The following TRANK1 variants were observed in gnomAD, a reference collection of about 807,000 sequenced individuals.
TRANK1 encodes TPR and ankyrin repeat-containing protein 1.
TRANK1 carries 198 observed loss-of-function variants against 266.0 expected under a neutral mutation model. That is an observed-to-expected ratio of 0.74 (90% CI 0.66 to 0.84). The LOEUF is 0.84. Ranked by LOEUF, TRANK1 falls within the 40% of genes least tolerant of loss-of-function variation. TRANK1 has a pLI of 0.00. For synonymous variants in TRANK1, 1,396 were observed against 1,384.1 expected, an observed-to-expected ratio of 1.01 and a Z score of -0.19; for missense variants, 3,326 against 3,634.6, an observed-to-expected ratio of 0.92 and a Z score of 2.18.
intron 1 of TRANK1, among the ~76,000 whole-genome samples, chr3:36,943,441 T>A (rs1043388081): frequency 4.7e-4 from 72 of 151,810 alleles, no homozygotes; most frequent in African/African-American, 1.7e-3. Context: ...GATGCGACTC[T>A]GGGAGTGAAT....
intron 8 of TRANK1, among the ~76,000 whole-genome samples, chr3:36,876,757 C>T (rs1457755225): frequency 6.6e-6 from 1 of 152,216 alleles, no homozygotes; most frequent in Non-Finnish European, 1.5e-5. Context: ...AGCTTTGAAG[C>T]AAGCACCTGA....
At chr3:36,937,633 T>C (rs896117446) in intron 1 of TRANK1, among the ~76,000 whole-genome samples, 1 of 152,234 alleles carries the variant, frequency 6.6e-6, no homozygotes, top group East Asian at 1.9e-4. Flanking sequence ...ACCAATAAGT[T>C]AGCATTCCAC....
intron 20 of TRANK1, among the ~76,000 whole-genome samples, chr3:36,835,420 G>T (rs1041988274): frequency 1.3e-5 from 2 of 150,080 alleles, no homozygotes; most frequent in Non-Finnish European, 3.0e-5. Flanking sequence ...CAACCTCACA[G>T]CACACACAGA....
rs193091800 is a variant in TRANK1 at position 36,921,104 on chromosome 3, T to C, written c.24-12650A>G. Among the ~76,000 whole-genome samples, 310 of 152,324 alleles carry C rather than the reference T, an allele frequency of 2.0e-3. 2 individuals are homozygous for C. Among genetic ancestry groups the C allele is most frequent in the Non-Finnish European group, 3.2e-3 (215 of 68,024 alleles). On this transcript the variant is annotated intron_variant, in intron 1 of 23. Coordinates refer to ENST00000645898, the MANE Select transcript of TRANK1 (RefSeq NM_001329998.2). ...TTGACCTGAGTCACCCCCGGTCCCC[T>C]GTTCTGACCTAAGTCACCTTCGGTT...
In TRANK1 at chr3:36,867,918, T is replaced by C. The variant is rs184104825; in HGVS notation, c.1079-3438A>G. On this transcript the variant is annotated intron_variant, in intron 9 of 23. Transcript: ENST00000645898. The stretch of plus-strand genomic sequence containing the variant: ...TTTGCACGTTCTTCCCATCTTTGCA[T>C]GGATTTTCTCTAAGTACTCAGGTTT... 1.4e-3 allele frequency among the ~76,000 whole-genome samples: 207 copies of C among 152,348 alleles called. 1 individual carries two copies. Among genetic ancestry groups the C allele is most frequent in the Non-Finnish European group, 2.1e-3 (145 of 68,040 alleles).
intron 1 of TRANK1, among the ~76,000 whole-genome samples, chr3:36,930,788 G>T (rs2080351459): frequency 6.6e-6 from 1 of 151,978 alleles, no homozygotes; most frequent in African/African-American, 2.4e-5. Context: ...AAAGAGAGGG[G>T]GACTGACTGG....
intron 22 of TRANK1, among the ~76,000 whole-genome samples, chr3:36,830,185 G>A (rs1205759164): frequency 6.6e-6 from 1 of 152,098 alleles, no homozygotes; most frequent in African/African-American, 2.4e-5. Flanking sequence ...CATGGTGATA[G>A]TCACCTGTAA....
intron 1 of TRANK1, among the ~76,000 whole-genome samples, chr3:36,937,531 G>A (rs2080441143): frequency 6.6e-6 from 1 of 152,200 alleles, no homozygotes; most frequent in Non-Finnish European, 1.5e-5. Flanking sequence ...TAGGACAGAA[G>A]AGGTGTACAA....
In TRANK1 at chr3:36,892,982, T is replaced by C; in HGVS notation, c.555A>G (p.Ser185=). 1 of 1,506,652 alleles carries C rather than the reference T, an allele frequency of 6.6e-7. No homozygotes were observed. The highest frequency in any genetic ancestry group is 1.7e-4 in the Middle Eastern group (1 of 5,852). The allele number at this position is 1,506,652 out of a possible 1,614,324, so 93.3% of individuals were successfully genotyped here. Reference sequence around the variant, plus strand: ...CTTTTTTTGCTGACAGAAGCAGAAATGACTGGTGGGAGAAGACAGAAAAGG... The same window carrying C: ...CTTTTTTTGCTGACAGAAGCAGAAACGACTGGTGGGAGAAGACAGAAAAGG... ...EKLAKKGLWH[S]FLLLSAKKDR... is the part of the protein sequence containing the mutation. Residue 185 remains serine, a splice_region_variant and synonymous_variant, in exon 6 of 24, where the codon TCA becomes TCG. Coordinates refer to ENST00000645898, the MANE Select transcript of TRANK1 (RefSeq NM_001329998.2).
intron 1 of TRANK1, among the ~76,000 whole-genome samples, chr3:36,917,598 T>C (rs532577478): frequency 4.2e-4 from 64 of 152,282 alleles, no homozygotes; most frequent in African/African-American, 1.2e-3. Context: ...TGTTGGAAGT[T>C]TGGTGGGAGC....
At chr3:36,848,813 G>C (rs887561549) in intron 15 of TRANK1, among the ~76,000 whole-genome samples, 3 of 152,200 alleles carry the variant, frequency 2.0e-5, no homozygotes, top group African/African-American at 7.2e-5. Flanking sequence ...GTAGGCAGAA[G>C]ACACAAGTGT....
chr3:36,930,238 C>T (rs138088061), intron 1 of TRANK1, among the ~76,000 whole-genome samples: 2 of 152,166 alleles, frequency 1.3e-5, no homozygotes, highest in African/African-American at 2.4e-5. Flanking sequence ...GAAGGCGGAG[C>T]GGGGAGGAGT....
chr3:36,945,722 G>T (rs2080564549), upstream of TRANK1, among the ~76,000 whole-genome samples: 1 of 152,178 alleles, frequency 6.6e-6, no homozygotes. Context: ...GGTCTTCACA[G>T]CTTCTCTGGG....
intron 23 of TRANK1, 34 bp downstream of exon 23, chr3:36,829,530 A>C (rs2078667682): frequency 6.2e-7 from 1 of 1,607,420 alleles, no homozygotes; most frequent in Non-Finnish European, 8.5e-7. Context: ...CAGGACCCAA[A>C]GTGTTACCTG....
chr3:36,883,223 T>C (rs1293895863), intron 8 of TRANK1, among the ~76,000 whole-genome samples: 2 of 152,074 alleles, frequency 1.3e-5, no homozygotes, highest in African/African-American at 2.4e-5. Context: ...GGCAGATCAC[T>C]TGAGCCCAGG....
intron 1 of TRANK1, among the ~76,000 whole-genome samples, chr3:36,931,778 G>C (rs1403018384): frequency 6.6e-6 from 1 of 152,224 alleles, no homozygotes; most frequent in Non-Finnish European, 1.5e-5. Flanking sequence ...GCCAGGTGTG[G>C]TGGCTCACAC....
intron 1 of TRANK1, among the ~76,000 whole-genome samples, chr3:36,911,733 T>C (rs1347430111): frequency 6.6e-6 from 1 of 152,164 alleles, no homozygotes; most frequent in Non-Finnish European, 1.5e-5. Flanking sequence ...CGTTGTTGGG[T>C]CTTTAAAAAA....
chr3:36,945,653 G>A (rs749191649), upstream of TRANK1, among the ~76,000 whole-genome samples: 1 of 152,118 alleles, frequency 6.6e-6, no homozygotes, highest in African/African-American at 2.4e-5. Context: ...GTAGTGGGTC[G>A]GAGAGGACCA....
Position 36,847,188 on chromosome 3 carries a change from G to A in TRANK1, c.5034+12C>T, listed in dbSNP as rs1235478645. On this transcript the variant is annotated intron_variant, in intron 16 of 23. Coordinates refer to ENST00000645898, the MANE Select transcript of TRANK1 (RefSeq NM_001329998.2). ...TGTCAAGTACATGTGTTGACAAATG[G>A]CAGAAATTCACCTTGTACATTTCTG... is the stretch of plus-strand genomic sequence containing the variant. 2.5e-6 allele frequency: 4 copies of A among 1,609,132 alleles called. No homozygotes were observed. The highest frequency in any genetic ancestry group is 3.4e-6 in the Non-Finnish European group (4 of 1,176,792).
Sources: gnomAD v4.1 joint callset for allele counts (sites outside exome capture counted in the v4.1 genomes callset) on GRCh38, gnomAD v4.1.1 for gene constraint, MANE v1.5 for transcripts, NCBI Gene and HGNC (gene_info 2026-07-23, HGNC 2026-07-21) for gene names.